Variants in CHCHD6 observed in about 807,000 individuals in gnomAD.
CHCHD6 encodes the protein coiled-coil-helix-coiled-coil-helix domain containing 6, also known as MICOS complex subunit MIC25.
A neutral mutation model predicts 32.3 loss-of-function variants in CHCHD6; 28 were observed. That is an observed-to-expected ratio of 0.87 (90% CI 0.64 to 1.19). The LOEUF (loss-of-function observed/expected upper bound fraction) is 1.19. CHCHD6 is among the 50% of genes most tolerant of loss of function. The pLI, the probability that CHCHD6 is intolerant of heterozygous loss-of-function variation, is 0.00. For missense variants in CHCHD6, 333 were observed against 307.0 expected (o/e 1.08, Z -0.63); for synonymous variants, 122 against 117.5 (o/e 1.04, Z -0.25).
At chr3:126,852,890 G>A (rs1001596416) in intron 5 of CHCHD6, among the ~76,000 whole-genome samples, 160 bp downstream of exon 5, 4 of 152,178 alleles carry the variant, frequency 2.6e-5, no homozygotes, top group African/African-American at 9.7e-5. Context: ...TTCTGCAGCA[G>A]GCACCCAAAT....
At chr3:126,799,529 A>T (rs1295189863) in intron 4 of CHCHD6, among the ~76,000 whole-genome samples, 2 of 152,214 alleles carry the variant, frequency 1.3e-5, no homozygotes, top group East Asian at 3.8e-4. Flanking sequence ...AGAGATGGCC[A>T]TCCAGGTGGT....
chr3:126,945,177 TGAG>T (rs1433623071), intron 6 of CHCHD6, among the ~76,000 whole-genome samples: 2 of 151,920 alleles, frequency 1.3e-5, no homozygotes, highest in East Asian at 1.9e-4. Flanking sequence ...GCGGCTCTTG[TGAG>T]GAGGACTTTG....
chr3:126,811,367 C>T (rs758068130), intron 4 of CHCHD6, among the ~76,000 whole-genome samples: 25 of 152,272 alleles, frequency 1.6e-4, no homozygotes, highest in Non-Finnish European at 2.5e-4. Flanking sequence ...ACTGTTAATA[C>T]ATTTTCTTAT....
intron 1 of CHCHD6, among the ~76,000 whole-genome samples, chr3:126,713,804 T>C (rs1332134384): frequency 2.6e-5 from 4 of 152,140 alleles, no homozygotes; most frequent in African/African-American, 9.7e-5. Context: ...AAACTATGAC[T>C]CCAGAAACTT....
intron 6 of CHCHD6, among the ~76,000 whole-genome samples, chr3:126,931,853 C>T (rs1474664877): frequency 6.6e-6 from 1 of 152,208 alleles, no homozygotes; most frequent in African/African-American, 2.4e-5. Flanking sequence ...CTGTTCACAA[C>T]AGAAAGGCTC....
chr3:126,923,102 G>A (rs891386951), intron 6 of CHCHD6, among the ~76,000 whole-genome samples: 37 of 152,292 alleles, frequency 2.4e-4, no homozygotes, highest in East Asian at 1.9e-3. Context: ...TTGCCACTGC[G>A]CTGTAGCAGC....
chr3:126,726,274 C>T (rs938256054), intron 1 of CHCHD6, among the ~76,000 whole-genome samples: 17 of 152,104 alleles, frequency 1.1e-4, no homozygotes, highest in Non-Finnish European at 4.4e-5. Context: ...AGACAGGGGT[C>T]GGGGAATGGC....
intron 4 of CHCHD6, among the ~76,000 whole-genome samples, chr3:126,734,153 G>A (rs1271885136): frequency 6.6e-6 from 1 of 152,214 alleles, no homozygotes; most frequent in Non-Finnish European, 1.5e-5. Context: ...ATTGTACCAG[G>A]TGCCCATGGC....
chr3:126,735,865 G>C (rs1936020121), intron 4 of CHCHD6, among the ~76,000 whole-genome samples: 1 of 152,156 alleles, frequency 6.6e-6, no homozygotes, highest in South Asian at 2.1e-4. Context: ...GGCTTCTATT[G>C]CTTGATGCTA....
At chr3:126,867,319 TCA>T (rs1426941218) in intron 5 of CHCHD6, among the ~76,000 whole-genome samples, 1 of 152,190 alleles carries the variant, frequency 6.6e-6, no homozygotes, top group Non-Finnish European at 1.5e-5. Context: ...GTACCTCATC[TCA>T]AAGTGATTCC....
intron 4 of CHCHD6, among the ~76,000 whole-genome samples, chr3:126,833,535 G>A (rs970111155): frequency 6.6e-6 from 1 of 152,218 alleles, no homozygotes; most frequent in African/African-American, 2.4e-5. Context: ...AAGCAGTGTG[G>A]CGAGTGGGAA....
intron 4 of CHCHD6, among the ~76,000 whole-genome samples, chr3:126,792,624 T>G (rs1938608413): frequency 1.3e-5 from 2 of 152,208 alleles, no homozygotes; most frequent in African/African-American, 2.4e-5. Flanking sequence ...TAACATATTT[T>G]AACAATTTCA....
chr3:126,869,879 T>C (rs537092310), intron 5 of CHCHD6, among the ~76,000 whole-genome samples: 1 of 152,358 alleles, frequency 6.6e-6, no homozygotes, highest in Non-Finnish European at 1.5e-5. Context: ...TTATTACCAA[T>C]TAAGCAGTCA....
intron 6 of CHCHD6, among the ~76,000 whole-genome samples, chr3:126,946,161 A>C (rs2078635340): frequency 6.6e-6 from 1 of 152,144 alleles, no homozygotes. Context: ...AAACAGCGCC[A>C]GAAAGCTCTT....
intron 1 of CHCHD6, among the ~76,000 whole-genome samples, chr3:126,711,149 A>G (rs891302515): frequency 3.3e-5 from 5 of 152,248 alleles, no homozygotes; most frequent in African/African-American, 1.2e-4. Flanking sequence ...TCCCTTTATA[A>G]GCTCTAAGAG....
chr3:126,814,240 T>TAG (rs757037338), intron 4 of CHCHD6, among the ~76,000 whole-genome samples: 7 of 152,186 alleles, frequency 4.6e-5, no homozygotes, highest in Non-Finnish European at 1.0e-4. Context: ...TGTCATCACT[T>TAG]CTGTTTGCCT....
chr3:126,849,285 C>T (rs976207833), intron 4 of CHCHD6, among the ~76,000 whole-genome samples: 1 of 152,256 alleles, frequency 6.6e-6, no homozygotes, highest in Non-Finnish European at 1.5e-5. Context: ...ACTGCCTCTG[C>T]CTGCTCCAGA....
chr3:126,795,118 G>C (rs767787465), intron 4 of CHCHD6, among the ~76,000 whole-genome samples: 6 of 152,158 alleles, frequency 3.9e-5, no homozygotes, highest in Non-Finnish European at 7.4e-5. Context: ...CTGAGAGCAT[G>C]TCTGGCCTTG....
chr3:126,952,950 A>G, intron 6 of CHCHD6: 8 of 984,602 alleles, frequency 8.1e-6, no homozygotes, highest in African/African-American at 1.8e-5. Context: ...TGGCCATCAC[A>G]TTCTCAGGGC....
Sources: gnomAD v4.1 joint callset for allele counts (sites outside exome capture counted in the v4.1 genomes callset) on GRCh38, gnomAD v4.1.1 for gene constraint, MANE v1.5 for transcripts, NCBI Gene and HGNC (gene_info 2026-07-23, HGNC 2026-07-21) for gene names.